The following MVP variants were observed in gnomAD, a reference collection of about 807,000 sequenced individuals.
MVP encodes major vault protein, also known as lung resistance-related protein.
Under a neutral mutation model 83.5 loss-of-function variants are expected in MVP, and 62 were observed. The observed-to-expected ratio is 0.74, with a 90% CI of 0.61 to 0.92. The LOEUF (loss-of-function observed/expected upper bound fraction) is 0.92. MVP is among the 40% of genes least tolerant of loss of function. The pLI, the probability that MVP is intolerant of heterozygous loss-of-function variation, is 0.00. For missense variants in MVP, 1,000 were observed against 1,203.4 expected, an observed-to-expected ratio of 0.83 and a Z score of 2.50; for synonymous variants, 505 against 504.1, an observed-to-expected ratio of 1.00 and a Z score of -0.02.
At chr16:29,837,535 C>T (rs1426098016) in intron 7 of MVP, among the ~76,000 whole-genome samples, 1 of 152,162 alleles carries the variant, frequency 6.6e-6, no homozygotes, top group Non-Finnish European at 1.5e-5. Flanking sequence ...AGGTGGATCA[C>T]TTGAGGTCAG....
intron 8 of MVP, 103 bp downstream of exon 8, chr16:29,840,562 G>A: frequency 7.3e-7 from 1 of 1,362,042 alleles, no homozygotes; most frequent in East Asian, 2.5e-5. Context: ...CAGCAGCATG[G>A]AGAGCCATAT....
intron 1 of MVP, chr16:29,822,756 C>T (rs1032279194): frequency 2.0e-5 from 3 of 152,184 alleles, no homozygotes; most frequent in African/African-American, 4.8e-5. Flanking sequence ...CTCGCTCTGT[C>T]CCCCAGGCCA....
intron 3 of MVP, chr16:29,831,783 C>G (rs1451702916): frequency 3.5e-5 from 16 of 453,516 alleles, no homozygotes; most frequent in Non-Finnish European, 6.6e-5. Context: ...CAGGCTGTGC[C>G]TGTTCTAGGA....
chr16:29,847,465 T>C, intron 14 of MVP, 80 bp downstream of exon 14: 1 of 1,380,912 alleles, frequency 7.2e-7, no homozygotes, highest in Non-Finnish European at 9.7e-7. Flanking sequence ...AAACACAACA[T>C]CTGGAAAGAT....
chr16:29,836,880 C>A lies in MVP; in HGVS notation c.831C>A (p.Gly277=), dbSNP rs1375785546. The change falls in exon 7 of 15, where the codon GGC becomes GGA. Residue 277 remains glycine (G), a synonymous_variant. Transcript: ENST00000357402. ...GGGTTGTGCCCATCACCACCCTGGG[C>A]CCCCACAACTACTGCGTGATTCTCG... ...VLGVVPITTL[G]PHNYCVILDP... 1 of 1,613,910 alleles carries A rather than the reference C, an allele frequency of 6.2e-7. No homozygotes were observed. The highest frequency in any genetic ancestry group is 2.2e-5 in the East Asian group (1 of 44,888).
intron 1 of MVP, chr16:29,825,818 C>G (rs1223372195): frequency 6.6e-6 from 1 of 152,396 alleles, no homozygotes. Flanking sequence ...GTTCCCAGAG[C>G]CTGCTTCCAA....
intron 13 of MVP, among the ~76,000 whole-genome samples, 156 bp downstream of exon 13, chr16:29,846,440 A>G (rs568452007): frequency 1.3e-5 from 2 of 152,344 alleles, no homozygotes; most frequent in South Asian, 2.1e-4. Flanking sequence ...TGTAGGATTC[A>G]TTGACTCCAT....
chr16:29,843,546 AAGGGAGGGAGGGAGGGAGGGAGGG>A (rs1172850329), intron 10 of MVP, among the ~76,000 whole-genome samples: 1 of 9,362 alleles, frequency 1.1e-4, no homozygotes, highest in Admixed American at 7.8e-4. Flanking sequence ...GGAAGGGAGG[AAGGGAGGGAGGGAGGGAGGGAGGG>A]AGGGAGGGAG....
At chr16:29,840,143 A>G in intron 7 of MVP, 35 bp from the exon 8 acceptor site, 4 of 1,563,110 alleles carry the variant, frequency 2.6e-6, no homozygotes, top group Non-Finnish European at 3.5e-6. Flanking sequence ...CGCAACCCTA[A>G]AGGCACTGAC....
intron 10 of MVP, among the ~76,000 whole-genome samples, chr16:29,843,030 G>A (rs2067547608): frequency 6.6e-6 from 1 of 152,222 alleles, no homozygotes; most frequent in African/African-American, 2.4e-5. Context: ...GTGGACCTGG[G>A]GAAGGGACAG....
chr16:29,844,819 T>G lies in MVP; in HGVS notation c.1961T>G (p.Leu654Arg), dbSNP rs2067569864. 2 of 1,608,034 alleles carry G rather than the reference T, an allele frequency of 1.2e-6. No individual in the cohort carries two copies. Among genetic ancestry groups the G allele is most frequent in the African/African-American group, 1.3e-5 (1 of 74,914 alleles). The change falls in exon 11 of 15, where the codon CTG (leucine) becomes CGG (arginine). Residue 654 changes from leucine to arginine, a missense_variant. Transcript: ENST00000357402. ...EPVDQRTRDA[L>R]QRSVQLAIEI... The stretch of plus-strand genomic sequence containing the variant: ...GTGGATCAGAGGACCCGGGACGCCC[T>G]GCAACGCAGCGTCCAGCTGGCCATC...
At chr16:29,832,507 C>T (rs2067451601) in intron 3 of MVP, among the ~76,000 whole-genome samples, 1 of 150,530 alleles carries the variant, frequency 6.6e-6, no homozygotes, top group Non-Finnish European at 1.5e-5. Flanking sequence ...CCGTGTTAGC[C>T]AGGGTGGTCT....
rs779179408 is a variant in MVP, at chr16:29,826,925, C to CAAAA, written c.-35-3574_-35-3571dup. ...CTGGCGACAGAGTGAGAGTCCATCTCAAAAAAAAAAAAAAAAAAATCCAGA... is the reference window on the plus strand; with the variant it reads ...CTGGCGACAGAGTGAGAGTCCATCTCAAAAAAAAAAAAAAAAAAAAAAATCCAGA... On this transcript the variant is annotated intron_variant, in intron 1 of 14. Coordinates refer to ENST00000357402, the MANE Select transcript of MVP (RefSeq NM_005115.5). Among the ~76,000 whole-genome samples the CAAAA allele has an allele frequency of 9.9e-5, 7 of 70,846 alleles. No individual in the cohort carries two copies. The East Asian group carries it at 1.4e-3, about 14-fold the overall frequency. The allele number at this position is 70,846 out of a possible 152,430, so 46.5% of individuals were successfully genotyped here. A position where few individuals can be genotyped will look rare whatever the true frequency, so the allele number is the denominator to read the frequency against.
chr16:29,839,972 A>G (rs1445409151), intron 7 of MVP: 1 of 524,554 alleles, frequency 1.9e-6, no homozygotes, highest in Non-Finnish European at 3.4e-6. Context: ...TCAAGGACAC[A>G]TTTGACCAGA....
intron 13 of MVP, 39 bp from the exon 14 acceptor site, chr16:29,847,158 G>A (rs2067591682): frequency 6.2e-7 from 1 of 1,601,372 alleles, no homozygotes; most frequent in Non-Finnish European, 8.5e-7. Context: ...TTCCAGCCTG[G>A]GTCAAAAAAT....
chr16:29,841,843 G>A lies in MVP; in HGVS notation c.1436+3G>A. ...GACTACCGAGAGAAGCGAGCCCGGT[G>A]AGTGCTGGCAGCGCAGGGTGTAGGG... On this transcript the variant is annotated splice_donor_region_variant and intron_variant, in intron 9 of 14. Coordinates refer to ENST00000357402, the MANE Select transcript of MVP (RefSeq NM_005115.5). The surrounding 1 kb of genome is among the most constrained non-coding windows in gnomAD (Gnocchi z 4.7). The A allele has an allele frequency of 6.2e-7, 1 of 1,609,210 alleles. No homozygotes were observed. The highest frequency in any genetic ancestry group is 8.5e-7 in the Non-Finnish European group (1 of 1,179,830).
chr16:29,823,266 C>G, intron 1 of MVP, among the ~76,000 whole-genome samples: 1 of 151,604 alleles, frequency 6.6e-6, no homozygotes, highest in Non-Finnish European at 1.5e-5. Flanking sequence ...GCAGGGACCA[C>G]AGGTGTGCAC....
At chr16:29,826,549 C>T (rs960660739) in intron 1 of MVP, among the ~76,000 whole-genome samples, 14 of 148,936 alleles carry the variant, frequency 9.4e-5, no homozygotes, top group Non-Finnish European at 1.8e-4. Context: ...ATCCCTTGAG[C>T]TGAGGAGTTC....
chr16:29,829,816 A>G (rs2067428505), intron 1 of MVP: 1 of 152,218 alleles, frequency 6.6e-6, no homozygotes. Flanking sequence ...GGTTCTATGG[A>G]AGGCTCAGTT....
Sources: allele counts gnomAD v4.1 joint callset (sites outside exome capture counted in the v4.1 genomes callset), GRCh38; gene constraint gnomAD v4.1.1; non-coding constraint Gnocchi (gnomAD v3.1); transcripts MANE v1.5; gene names NCBI Gene and HGNC (gene_info 2026-07-23, HGNC 2026-07-21).